Variants in CCDC60 observed in about 807,000 individuals in gnomAD.
CCDC60 encodes the protein coiled-coil domain-containing protein 60.
In CCDC60, 54 loss-of-function variants were observed where a neutral mutation model predicts 63.5. The observed-to-expected ratio is 0.85, with a 90% CI of 0.68 to 1.07. CCDC60 has a LOEUF of 1.07. Ranked by LOEUF, CCDC60 falls within the 50% of genes least tolerant of loss-of-function variation. CCDC60 has a pLI of 0.00. For synonymous variants in CCDC60, 206 were observed against 238.8 expected (o/e 0.86, Z 1.27); for missense variants, 651 against 684.3 (o/e 0.95, Z 0.54).
At chr12:119,511,768 A>G (rs560847436) in intron 7 of CCDC60, among the ~76,000 whole-genome samples, 2 of 152,260 alleles carry the variant, frequency 1.3e-5, no homozygotes, top group South Asian at 4.1e-4. Context: ...ATCCATATCC[A>G]CCCAACCTTA....
intron 2 of CCDC60, among the ~76,000 whole-genome samples, chr12:119,452,915 C>T (rs1950660811): frequency 6.6e-6 from 1 of 152,150 alleles, no homozygotes; most frequent in African/African-American, 2.4e-5. Context: ...CTCCACCTCC[C>T]TGGTTCAAGC....
intron 2 of CCDC60, among the ~76,000 whole-genome samples, chr12:119,446,202 G>A (rs1009952447): frequency 2.0e-5 from 3 of 152,148 alleles, no homozygotes; most frequent in African/African-American, 7.2e-5. Context: ...ATTAAATAAA[G>A]CCATATCTAA....
intron 1 of CCDC60, among the ~76,000 whole-genome samples, chr12:119,394,268 G>A (rs1956211617): frequency 6.6e-6 from 1 of 152,172 alleles, no homozygotes; most frequent in Non-Finnish European, 1.5e-5. Context: ...AGAAGCTTGA[G>A]GATTTGAAAC....
Position 119,420,460 on chromosome 12 carries a change from C to A in CCDC60, c.91-8223C>A, listed in dbSNP as rs551970212. On this transcript the variant is annotated intron_variant, in intron 1 of 13. Transcript: ENST00000327554. This position sits in a 1 kb window ranked among gnomAD's most constrained non-coding sequence, Gnocchi z 4.1. ...AGTGTGTTAAGTGAAACAAGCCAGA[C>A]ACAGAAAGACAAACATCACATGTTC... Among the ~76,000 whole-genome samples, 4 of 152,180 alleles carry A rather than the reference C, an allele frequency of 2.6e-5. No individual in the cohort carries two copies. Among genetic ancestry groups the A allele is most frequent in the Non-Finnish European group, 5.9e-5 (4 of 68,024 alleles).
rs181672506 is a variant in CCDC60, at chr12:119,454,081, C to T, written c.171-17913C>T. Among the ~76,000 whole-genome samples the T allele has an allele frequency of 1.4e-3, 214 of 152,264 alleles. 1 individual carries two copies. Among genetic ancestry groups the T allele is most frequent in the African/African-American group, 4.1e-3 (170 of 41,558 alleles). On this transcript the variant is annotated intron_variant, in intron 2 of 13. Coordinates refer to ENST00000327554, the MANE Select transcript of CCDC60 (RefSeq NM_178499.5). The stretch of plus-strand genomic sequence containing the variant: ...TAAAGGTGAGGAAAGGACATCTCAA[C>T]GAGGTAAGATGACTCACAGACATTG...
At chr12:119,482,330 C>T (rs549275265) in intron 4 of CCDC60, among the ~76,000 whole-genome samples, 36 of 151,086 alleles carry the variant, frequency 2.4e-4, no homozygotes, top group African/African-American at 8.7e-4. Context: ...TAGGCTATTA[C>T]TATTATTATT....
At chr12:119,517,585 G>C (rs547029902) in intron 8 of CCDC60, among the ~76,000 whole-genome samples, 5 of 152,204 alleles carry the variant, frequency 3.3e-5, no homozygotes, top group African/African-American at 1.2e-4. Context: ...GAGCCAGCCT[G>C]ATGAGGCTGG....
intron 1 of CCDC60, among the ~76,000 whole-genome samples, chr12:119,413,186 AT>A (rs1565995245): frequency 1.3e-5 from 2 of 152,110 alleles, no homozygotes; most frequent in Admixed American, 6.6e-5. Context: ...CATTTGATTA[AT>A]TTTTTTAACT....
At chr12:119,429,068 C>T (rs1956951343) in intron 2 of CCDC60, 1 of 273,334 alleles carries the variant, frequency 3.7e-6, no homozygotes, top group African/African-American at 2.2e-5. Context: ...CTTTTTTACT[C>T]CAGACACACG....
At chr12:119,427,502 T>C (rs1158055627) in intron 1 of CCDC60, among the ~76,000 whole-genome samples, 1 of 152,240 alleles carries the variant, frequency 6.6e-6, no homozygotes, top group Admixed American at 6.5e-5. Context: ...AATAGTTTGC[T>C]ATTACAAGCA....
chr12:119,510,990 C>G (rs1421176866), intron 7 of CCDC60, among the ~76,000 whole-genome samples: 2 of 152,136 alleles, frequency 1.3e-5, no homozygotes, highest in African/African-American at 4.8e-5. Context: ...AGTTCAATTA[C>G]TAAGAAAGAA....
chr12:119,347,695 G>T (rs1955611521), intron 1 of CCDC60, among the ~76,000 whole-genome samples: 1 of 152,074 alleles, frequency 6.6e-6, no homozygotes, highest in Non-Finnish European at 1.5e-5. Context: ...GTACATGCTG[G>T]GTGCTCCATA....
intron 11 of CCDC60, among the ~76,000 whole-genome samples, chr12:119,524,859 T>C (rs1851517940): frequency 6.6e-6 from 1 of 151,252 alleles, no homozygotes; most frequent in South Asian, 2.1e-4. Flanking sequence ...ACAGATAGGG[T>C]CTTGCTATAT....
chr12:119,402,796 A>C (rs1053238825), intron 1 of CCDC60, among the ~76,000 whole-genome samples: 1 of 152,224 alleles, frequency 6.6e-6, no homozygotes, highest in African/African-American at 2.4e-5. Flanking sequence ...GTTTAGCCAC[A>C]GAGAACTAGT....
At chr12:119,451,055 G>T (rs1211868433) in intron 2 of CCDC60, among the ~76,000 whole-genome samples, 1 of 152,042 alleles carries the variant, frequency 6.6e-6, no homozygotes, top group East Asian at 1.9e-4. Flanking sequence ...CTTGATTTTC[G>T]AACAAGGCAA....
chr12:119,337,832 G>GTGTGTA (rs762193664), intron 1 of CCDC60, among the ~76,000 whole-genome samples: 51 of 121,242 alleles, frequency 4.2e-4, no homozygotes, highest in Admixed American at 3.0e-3. Flanking sequence ...ATTTGTGTGT[G>GTGTGTA]TGTGTGTGTG....
At chr12:119,512,059 T>C (rs906740903) in intron 7 of CCDC60, among the ~76,000 whole-genome samples, 5 of 152,130 alleles carry the variant, frequency 3.3e-5, no homozygotes, top group African/African-American at 1.2e-4. Flanking sequence ...CCTAGATGGC[T>C]CCAAAGTCAC....
intron 13 of CCDC60, among the ~76,000 whole-genome samples, chr12:119,535,402 G>C (rs1358513099): frequency 6.6e-6 from 1 of 152,096 alleles, no homozygotes; most frequent in Non-Finnish European, 1.5e-5. Flanking sequence ...GGTTTTTTGT[G>C]TCTCTATCTC....
At chr12:119,417,075 G>A (rs915262475) in intron 1 of CCDC60, among the ~76,000 whole-genome samples, 2 of 151,982 alleles carry the variant, frequency 1.3e-5, no homozygotes, top group African/African-American at 4.8e-5. Flanking sequence ...AGCCAAGATC[G>A]CGCCATTGCA....
Sources: allele counts gnomAD v4.1 joint callset (sites outside exome capture counted in the v4.1 genomes callset), GRCh38; gene constraint gnomAD v4.1.1; non-coding constraint Gnocchi (gnomAD v3.1); transcripts MANE v1.5; gene names NCBI Gene and HGNC (gene_info 2026-07-23, HGNC 2026-07-21).